The following NOTCH2 variants were observed in gnomAD, a reference collection of about 807,000 sequenced individuals.
NOTCH2 encodes the protein neurogenic locus notch homolog protein 2.
Under a neutral mutation model 235.8 loss-of-function variants are expected in NOTCH2, and 29 were observed. The observed-to-expected ratio is 0.12, with a 90% CI of 0.09 to 0.17. NOTCH2 has a LOEUF of 0.17. NOTCH2 is among the 10% of genes least tolerant of loss of function. The pLI, the probability that NOTCH2 is intolerant of heterozygous loss-of-function variation, is 1.00. For missense variants in NOTCH2, 2,285 were observed against 3,150.2 expected (o/e 0.73, Z 6.57); for synonymous variants, 1,086 against 1,141.5 (o/e 0.95, Z 0.98).
chr1:119,916,942 A>T (rs1016774019), intron 33 of NOTCH2, among the ~76,000 whole-genome samples: 3 of 152,236 alleles, frequency 2.0e-5, no homozygotes, highest in African/African-American at 7.2e-5. Flanking sequence ...TAGGGGGAAC[A>T]TCTCTTTAGT....
chr1:119,997,056 A>G lies in NOTCH2; in HGVS notation c.692T>C (p.Val231Ala). ...LYVPCAPSPCVNGGTCRQTGD... is the reference protein window; with the variant it reads ...LYVPCAPSPCANGGTCRQTGD... ...AGTCTGCCGACAGGTGCCTCCATTG[A>G]CACAAGGTGAGGGTGCACAGGGCAC... Residue 231 changes from valine to alanine, a missense_variant, in exon 4 of 34, where the codon GTC (valine) becomes GCC (alanine). By Grantham distance (64) the Val-to-Ala change is moderately conservative. Coordinates refer to ENST00000256646, the MANE Select transcript of NOTCH2 (RefSeq NM_024408.4). 1.2e-6 allele frequency: 2 copies of G among 1,613,988 alleles called. No individual in the cohort carries two copies. Among genetic ancestry groups the G allele is most frequent in the Non-Finnish European group, 1.7e-6 (2 of 1,179,858 alleles).
In NOTCH2 at chr1:119,913,821, G is replaced by C. The variant is rs1648972641; in HGVS notation, c.*1485C>G. On this transcript the variant is annotated 3_prime_UTR_variant, in exon 34 of 34. Transcript: ENST00000256646. ...ATGGCCGCTTCAGAGGAAAAGAAAT[G>C]GTAGCAGAAAATAGCAAAGGCTGCT... 4.3e-6 allele frequency: 1 copy of C among 232,922 alleles called. No homozygotes were observed. The allele number at this position is 232,922 out of a possible 1,614,324, so 14.4% of individuals were successfully genotyped here. A position where few individuals can be genotyped will look rare whatever the true frequency, so the allele number is the denominator to read the frequency against.
At chr1:119,973,757 G>A (rs1651459658) in intron 5 of NOTCH2, among the ~76,000 whole-genome samples, 1 of 152,162 alleles carries the variant, frequency 6.6e-6, no homozygotes, top group African/African-American at 2.4e-5. Context: ...GTCTTAACGT[G>A]TATGCTCTAC....
chr1:119,912,972 A>T lies in NOTCH2; in HGVS notation c.*2334T>A, dbSNP rs1648939413. The T allele has an allele frequency of 4.3e-6, 1 of 233,420 alleles. No individual in the cohort carries two copies. Among genetic ancestry groups the T allele is most frequent in the Non-Finnish European group, 8.5e-6 (1 of 117,998 alleles). The allele number at this position is 233,420 out of a possible 1,614,324, so 14.5% of individuals were successfully genotyped here. A position where few individuals can be genotyped will look rare whatever the true frequency, so the allele number is the denominator to read the frequency against. ...GCAATTTGGTCTGACATTGTGCTTA[A>T]GGAAAAGGGAGGATATAAAATATCC... is the stretch of plus-strand genomic sequence containing the variant. On this transcript the variant is annotated 3_prime_UTR_variant, in exon 34 of 34. Coordinates refer to ENST00000256646, the MANE Select transcript of NOTCH2 (RefSeq NM_024408.4).
rs1649083144 is a variant in NOTCH2 at position 119,916,581 on chromosome 1, C to T, written c.6141G>A (p.Arg2047=). ...GGTGCATGCGATCCCGAGCCACATCCCGGGGAAGACGATCCATATGGTCTG... is the reference window on the plus strand; with the variant it reads ...GGTGCATGCGATCCCGAGCCACATCTCGGGGAAGACGATCCATATGGTCTG... ...DITDHMDRLP[R]DVARDRMHHD... is the part of the protein sequence containing the mutation. Residue 2047 remains arginine, a synonymous_variant, in exon 34 of 34, where the codon CGG becomes CGA. Transcript: ENST00000256646. 1 of 1,614,126 alleles carries T rather than the reference C, an allele frequency of 6.2e-7. No individual in the cohort carries two copies. The highest frequency in any genetic ancestry group is 1.1e-5 in the South Asian group (1 of 91,064).
At chr1:120,037,680 A>G (rs1654364037) in intron 1 of NOTCH2, among the ~76,000 whole-genome samples, 1 of 151,970 alleles carries the variant, frequency 6.6e-6, no homozygotes, top group African/African-American at 2.4e-5. Context: ...AAGGAAAAAA[A>G]AAAACAAAAA....
At chr1:119,999,801 G>C (rs1205924072) in intron 3 of NOTCH2, among the ~76,000 whole-genome samples, 1 of 151,850 alleles carries the variant, frequency 6.6e-6, no homozygotes, top group Non-Finnish European at 1.5e-5. Context: ...AGAATCACTC[G>C]AACCCAAGAG....
chr1:119,948,486 T>C lies in NOTCH2; in HGVS notation c.2680A>G (p.Ser894Gly). The C allele has an allele frequency of 6.2e-7, 1 of 1,614,210 alleles. No individual in the cohort carries two copies. Among genetic ancestry groups the C allele is most frequent in the Non-Finnish European group, 8.5e-7 (1 of 1,180,024 alleles). Reference sequence around the variant, plus strand: ...CCTGGTGGACATTCACACATGTAGCTGCCCTGGGTGTTATGGCAGAGACCA... The same window carrying C: ...CCTGGTGGACATTCACACATGTAGCCGCCCTGGGTGTTATGGCAGAGACCA... ...NHGLCHNTQG[S>G]YMCECPPGFS... Residue 894 changes from serine to glycine, a missense_variant, in exon 17 of 34, where the codon AGC (serine) becomes GGC (glycine). By Grantham distance (56) the Ser-to-Gly change is moderately conservative. Coordinates refer to ENST00000256646, the MANE Select transcript of NOTCH2 (RefSeq NM_024408.4).
chr1:119,938,367 C>T (rs1649938933), intron 19 of NOTCH2, among the ~76,000 whole-genome samples: 1 of 151,996 alleles, frequency 6.6e-6, no homozygotes, highest in Non-Finnish European at 1.5e-5. Flanking sequence ...AATTAACACC[C>T]ACTTCTGATA....
At chr1:119,933,169 A>G (rs1343204417) in intron 22 of NOTCH2, among the ~76,000 whole-genome samples, 1 of 152,232 alleles carries the variant, frequency 6.6e-6, no homozygotes, top group African/African-American at 2.4e-5. Context: ...ATCAACTGAG[A>G]GAGAACTCAA....
chr1:119,917,713 A>T lies in NOTCH2; in HGVS notation c.5979T>A (p.Thr1993=). ...WAAAVNNVEA[T]LLLLKNGANR... Reference sequence around the variant, plus strand: ...TGGCCCCATTTTTCAACAACAAAAGAGTTGCCTCCACATTATTGACAGCAG... The same window carrying T: ...TGGCCCCATTTTTCAACAACAAAAGTGTTGCCTCCACATTATTGACAGCAG... Residue 1993 remains threonine (T), a synonymous_variant, in exon 33 of 34, where the codon ACT becomes ACA. Transcript: ENST00000256646. The T allele has an allele frequency of 6.2e-7, 1 of 1,614,042 alleles. No individual in the cohort carries two copies. The highest frequency in any genetic ancestry group is 8.5e-7 in the Non-Finnish European group (1 of 1,179,952).
chr1:119,986,527 G>C (rs1045310014), intron 5 of NOTCH2, among the ~76,000 whole-genome samples: 1 of 152,164 alleles, frequency 6.6e-6, no homozygotes, highest in African/African-American at 2.4e-5. Flanking sequence ...ATGACATTAA[G>C]ATGGGACAGA....
chr1:119,913,131 G>A lies in NOTCH2; in HGVS notation c.*2175C>T. ...ATCTGTGAATAATAAATGGGTCCAA[G>A]GGCAGAGAGTCACCATTTAGAATGA... On this transcript the variant is annotated 3_prime_UTR_variant, in exon 34 of 34. Transcript: ENST00000256646. The A allele has an allele frequency of 4.3e-6, 1 of 233,260 alleles. No individual in the cohort carries two copies. Among genetic ancestry groups the A allele is most frequent in the East Asian group, 6.0e-5 (1 of 16,588 alleles). 14.4% of individuals were successfully genotyped at this position (233,260 alleles called of 1,614,324 possible). A position where few individuals can be genotyped will look rare whatever the true frequency, so the allele number is the denominator to read the frequency against.
Position 119,915,617 on chromosome 1 carries a change from T to C in NOTCH2, c.7105A>G (p.Ile2369Val). Residue 2369 changes from isoleucine to valine, a missense_variant, in exon 34 of 34, where the codon ATT (isoleucine) becomes GTT (valine). Ile to Val is a conservative substitution (Grantham distance 29, BLOSUM62 3). Transcript: ENST00000256646. ...PQQDGQVAQT[I>V]LPAYHPFPAS... ...GGGAAAGGATGATAGGCTGGGAGAATGGTCTGAGCTACCTGCCCGTCCTGC... is the reference window on the plus strand; with the variant it reads ...GGGAAAGGATGATAGGCTGGGAGAACGGTCTGAGCTACCTGCCCGTCCTGC... The C allele has an allele frequency of 1.2e-6, 2 of 1,613,978 alleles. No homozygotes were observed. Among genetic ancestry groups the C allele is most frequent in the Non-Finnish European group, 1.7e-6 (2 of 1,180,020 alleles).
chr1:119,946,533 T>A (rs1478837602), intron 17 of NOTCH2, among the ~76,000 whole-genome samples: 2 of 152,014 alleles, frequency 1.3e-5, no homozygotes, highest in African/African-American at 4.8e-5. Flanking sequence ...TTGATGACAA[T>A]TTACTTACAT....
At chr1:119,965,841 A>T (rs1651114876) in intron 9 of NOTCH2, among the ~76,000 whole-genome samples, 1 of 152,230 alleles carries the variant, frequency 6.6e-6, no homozygotes, top group African/African-American at 2.4e-5. Flanking sequence ...TCAAACAAGT[A>T]ACTGTAGCTT....
At chr1:119,984,851 A>C (rs1553202045) in intron 5 of NOTCH2, among the ~76,000 whole-genome samples, 2 of 152,202 alleles carry the variant, frequency 1.3e-5, no homozygotes, top group Admixed American at 6.5e-5. Context: ...AAGGGAGTCC[A>C]GAGTAGAACA....
intron 1 of NOTCH2, among the ~76,000 whole-genome samples, chr1:120,066,149 T>G (rs1655496568): frequency 6.6e-6 from 1 of 152,218 alleles, no homozygotes; most frequent in African/African-American, 2.4e-5. Flanking sequence ...TGACATTATA[T>G]TCTATATCTC....
chr1:119,928,960 C>T lies in NOTCH2; in HGVS notation c.3892+16G>A, dbSNP rs995069688. On this transcript the variant is annotated intron_variant, in intron 23 of 33. Transcript: ENST00000256646. Reference sequence around the variant, plus strand: ...CCTCCAAGGCAGAGTGGCCAGGAGGCTAGAGAGCTTCTCACCAGTAAAGGC... The same window carrying T: ...CCTCCAAGGCAGAGTGGCCAGGAGGTTAGAGAGCTTCTCACCAGTAAAGGC... 6 of 1,608,608 alleles carry T rather than the reference C, an allele frequency of 3.7e-6. No individual in the cohort carries two copies. In the African/African-American group the frequency reaches 5.3e-5, roughly 14 times the overall value.
Sources: gnomAD v4.1 joint callset for allele counts (sites outside exome capture counted in the v4.1 genomes callset) on GRCh38, gnomAD v4.1.1 for gene constraint, MANE v1.5 for transcripts, NCBI Gene and HGNC (gene_info 2026-07-23, HGNC 2026-07-21) for gene names.